Variants in ANKRD17 observed in about 807,000 individuals in gnomAD.
ANKRD17 encodes the protein ankyrin repeat domain 17.
ANKRD17 carries 19 observed loss-of-function variants against 229.7 expected under a neutral mutation model. The ratio of observed to expected loss-of-function variants is 0.08; its 90% CI spans 0.06 to 0.12. ANKRD17 has a LOEUF of 0.12. ANKRD17 is among the 10% of genes least tolerant of loss of function. ANKRD17 has a pLI of 1.00. For synonymous variants in ANKRD17, 1,112 were observed against 1,146.1 expected, an observed-to-expected ratio of 0.97 and a Z score of 0.60; for missense variants, 2,176 against 3,176.8, an observed-to-expected ratio of 0.68 and a Z score of 7.57.
At chr4:73,147,641 C>G (rs564190369) in intron 8 of ANKRD17, among the ~76,000 whole-genome samples, 1 of 152,108 alleles carries the variant, frequency 6.6e-6, no homozygotes, top group East Asian at 1.9e-4. Context: ...TGATGTACCA[C>G]AGCTGGAGTA....
chr4:73,196,282 G>A (rs1737877031), intron 1 of ANKRD17, among the ~76,000 whole-genome samples: 2 of 152,194 alleles, frequency 1.3e-5, no homozygotes, highest in Admixed American at 6.5e-5. Flanking sequence ...ACAGGCATGA[G>A]CCACTGCACC....
intron 1 of ANKRD17, among the ~76,000 whole-genome samples, chr4:73,240,091 CA>C (rs1484438684): frequency 6.6e-6 from 1 of 152,108 alleles, no homozygotes; most frequent in Non-Finnish European, 1.5e-5. Context: ...AAGAGAACTA[CA>C]CAACAGTCAT....
rs754789258 is a variant in ANKRD17, at chr4:73,147,304, T to C, written c.1696A>G (p.Thr566Ala). The C allele has an allele frequency of 2.5e-6, 4 of 1,607,168 alleles. No homozygotes were observed. Among genetic ancestry groups the C allele is most frequent in the African/African-American group, 1.3e-5 (1 of 74,708 alleles). The change falls in exon 9 of 34, where the codon ACC (threonine) becomes GCC (alanine). Residue 566 changes from threonine to alanine, a missense_variant. This residue lies in a region of ANKRD17 where 275 missense variants were observed against 386.9 expected (regional missense o/e 0.71). Coordinates refer to ENST00000358602, the MANE Select transcript of ANKRD17 (RefSeq NM_032217.5). ...AGADIELGCSTPLMEAAQEGH... is the reference protein window; with the variant it reads ...AGADIELGCSAPLMEAAQEGH... ...TCTTGAGCAGCTTCCATTAAAGGGG[T>C]AGAACACCCTAGTTCTATATCGGCT...
chr4:73,104,756 G>C (rs1724408033), intron 24 of ANKRD17, among the ~76,000 whole-genome samples: 1 of 152,008 alleles, frequency 6.6e-6, no homozygotes, highest in Non-Finnish European at 1.5e-5. Flanking sequence ...GCGGGAGGTG[G>C]GGGGGATTTG....
intron 1 of ANKRD17, among the ~76,000 whole-genome samples, chr4:73,238,734 C>T (rs1329573990): frequency 6.6e-6 from 1 of 152,056 alleles, no homozygotes. Context: ...CTCTACAATG[C>T]ATACAAAACA....
At chr4:73,197,447 A>C (rs1738039094) in intron 1 of ANKRD17, among the ~76,000 whole-genome samples, 1 of 152,214 alleles carries the variant, frequency 6.6e-6, no homozygotes, top group South Asian at 2.1e-4. Flanking sequence ...CTCTGAGAGA[A>C]AGAAACAGCA....
rs1721991726 is a variant in ANKRD17 at position 73,085,190 on chromosome 4, C to T, written c.7159+59G>A. On this transcript the variant is annotated intron_variant, in intron 30 of 33. Coordinates refer to ENST00000358602, the MANE Select transcript of ANKRD17 (RefSeq NM_032217.5). Reference sequence around the variant, plus strand: ...TTAAAATTATGATGAGGTTTGAAACCTGCTGTTTTTAAGAAAACATATGCA... The same window carrying T: ...TTAAAATTATGATGAGGTTTGAAACTTGCTGTTTTTAAGAAAACATATGCA... 7 of 1,541,544 alleles carry T rather than the reference C, an allele frequency of 4.5e-6. No individual in the cohort carries two copies. The Admixed American group carries it at 8.8e-5, about 19-fold the overall frequency.
At chr4:73,197,452 A>G (rs757568255) in intron 1 of ANKRD17, among the ~76,000 whole-genome samples, 4 of 152,222 alleles carry the variant, frequency 2.6e-5, no homozygotes, top group Non-Finnish European at 5.9e-5. Context: ...AGAGAAAGAA[A>G]CAGCAATTGT....
intron 30 of ANKRD17, among the ~76,000 whole-genome samples, chr4:73,084,689 T>G (rs1006701678): frequency 6.6e-6 from 1 of 152,154 alleles, no homozygotes; most frequent in Non-Finnish European, 1.5e-5. Flanking sequence ...CCTCAGGTGA[T>G]CCACCCGCCT....
intron 1 of ANKRD17, among the ~76,000 whole-genome samples, chr4:73,199,367 A>G (rs1246527744): frequency 6.6e-6 from 1 of 152,168 alleles, no homozygotes; most frequent in Non-Finnish European, 1.5e-5. Flanking sequence ...CCTTTCATTC[A>G]TCAACCTCCC....
Position 73,074,582 on chromosome 4 carries a change from A to G in ANKRD17, c.*1649T>C, listed in dbSNP as rs1354697349. On this transcript the variant is annotated 3_prime_UTR_variant, in exon 34 of 34. Coordinates refer to ENST00000358602, the MANE Select transcript of ANKRD17 (RefSeq NM_032217.5). ...GAGTGTACTGTTTACAAATTTCTGG[A>G]TATGTTTGAGAAGTCATCTTTTTAC... 2 of 151,854 alleles carry G rather than the reference A, an allele frequency of 1.3e-5. No individual in the cohort carries two copies. The highest frequency in any genetic ancestry group is 2.9e-5 in the Non-Finnish European group (2 of 67,814). The allele number at this position is 151,854 out of a possible 1,614,324, so 9.4% of individuals were successfully genotyped here.
At chr4:73,117,777 C>T (rs1167080916) in intron 22 of ANKRD17, among the ~76,000 whole-genome samples, 3 of 151,978 alleles carry the variant, frequency 2.0e-5, no homozygotes, top group Non-Finnish European at 4.4e-5. Context: ...TCTGATATTC[C>T]CAATAACAAA....
intron 25 of ANKRD17, 58 bp downstream of exon 25, chr4:73,102,318 G>A: frequency 6.6e-7 from 1 of 1,504,470 alleles, no homozygotes; most frequent in Admixed American, 2.3e-5. Flanking sequence ...TGATAATCAA[G>A]TAAATATAAT....
chr4:73,101,578 T>G (rs142313686), intron 25 of ANKRD17, among the ~76,000 whole-genome samples: 2 of 147,930 alleles, frequency 1.4e-5, no homozygotes, highest in African/African-American at 2.5e-5. Context: ...GGTGGGAGAA[T>G]AGCTTGAACC....
chr4:73,242,301 C>G (rs886729786), intron 1 of ANKRD17, among the ~76,000 whole-genome samples: 2 of 152,054 alleles, frequency 1.3e-5, no homozygotes, highest in Admixed American at 6.6e-5. Context: ...ATATGCCAAT[C>G]AATAGCTTCC....
chr4:73,150,990 T>C (rs545629709), intron 7 of ANKRD17, among the ~76,000 whole-genome samples: 2 of 152,322 alleles, frequency 1.3e-5, no homozygotes, highest in East Asian at 3.9e-4. Context: ...TTATTAATAA[T>C]GTACATACTC....
chr4:73,135,197 G>A lies in ANKRD17; in HGVS notation c.3154C>T (p.Pro1052Ser). 1.9e-6 allele frequency: 3 copies of A among 1,613,906 alleles called. No individual in the cohort carries two copies. The change falls in exon 16 of 34, where the codon CCT becomes TCT. Residue 1052 changes from proline (P) to serine (S), a missense_variant. Around this residue, in one of 18 missense-constraint regions of ANKRD17, gnomAD observed 230 missense variants for 252.3 expected, o/e 0.91. Transcript: ENST00000358602. ...ATAGGACTTGGAGTTGGAGTCTGAG[G>A]TTGGGAAATGGATGCAGCAATACTG... ...THSIAASISQ[P>S]QTPTPSPIIS...
chr4:73,151,290 G>T, intron 7 of ANKRD17, 140 bp downstream of exon 7: 1 of 677,038 alleles, frequency 1.5e-6, no homozygotes, highest in Non-Finnish European at 2.4e-6. Flanking sequence ...AACTTTAATA[G>T]AAGTTAATGT....
intron 1 of ANKRD17, among the ~76,000 whole-genome samples, chr4:73,194,951 G>A (rs138201366): frequency 3.3e-5 from 5 of 152,054 alleles, no homozygotes; most frequent in African/African-American, 1.2e-4. Flanking sequence ...GAATTGGTGC[G>A]TTTTTAAAAT....
Sources: allele counts gnomAD v4.1 joint callset (sites outside exome capture counted in the v4.1 genomes callset), GRCh38; gene constraint gnomAD v4.1.1; regional missense constraint gnomAD v4.1.1; transcripts MANE v1.5; gene names NCBI Gene and HGNC (gene_info 2026-07-23, HGNC 2026-07-21).